Variants in DISC1 observed in about 807,000 individuals in gnomAD.
DISC1 encodes the protein DISC1 scaffold protein.
A neutral mutation model predicts 84.5 loss-of-function variants in DISC1; 57 were observed. The observed-to-expected ratio is 0.67, with a 90% CI of 0.55 to 0.84. The LOEUF (loss-of-function observed/expected upper bound fraction) is 0.84, where lower values mean the gene tolerates loss of function less well. DISC1 is among the 40% of genes least tolerant of loss of function. DISC1 has a pLI of 0.00. For synonymous variants in DISC1, 411 were observed against 415.2 expected, an observed-to-expected ratio of 0.99 and a Z score of 0.12; for missense variants, 1,000 against 1,057.8, an observed-to-expected ratio of 0.95 and a Z score of 0.76.
chr1:231,878,722 C>T (rs1460483323), intron 9 of DISC1, among the ~76,000 whole-genome samples: 3 of 152,124 alleles, frequency 2.0e-5, no homozygotes, highest in East Asian at 3.9e-4. Context: ...CATCAAGCAA[C>T]CAGTACCAAA....
chr1:231,806,661 G>C (rs927045968), intron 8 of DISC1, among the ~76,000 whole-genome samples: 1 of 148,560 alleles, frequency 6.7e-6, no homozygotes, highest in Non-Finnish European at 1.5e-5. Context: ...AGGGTGAAAG[G>C]CCTCTTCTCC....
intron 9 of DISC1, among the ~76,000 whole-genome samples, chr1:231,909,081 G>T (rs1465759448): frequency 6.6e-6 from 1 of 152,134 alleles, no homozygotes; most frequent in Non-Finnish European, 1.5e-5. Context: ...CTGAGATGAT[G>T]GGGTTTTCTA....
chr1:231,917,294 C>A (rs144605504), intron 9 of DISC1, among the ~76,000 whole-genome samples: 1 of 152,158 alleles, frequency 6.6e-6, no homozygotes, highest in Admixed American at 6.5e-5. Context: ...TCTCTTCTAT[C>A]GAGATGCAAT....
rs377646167 is a variant in DISC1 at position 231,911,942 on chromosome 1, C to G, written c.1982-46886C>G. Among the ~76,000 whole-genome samples, 85 of 152,112 alleles carry G rather than the reference C, an allele frequency of 5.6e-4. No homozygotes were observed. The South Asian group carries it at 0.017, about 31-fold the overall frequency. ...TTCATTGATCTTCAATCACTGATAC[C>G]CTTTCTTCCACTTGATCGAATCAGC... On this transcript the variant is annotated intron_variant, in intron 9 of 12. Coordinates refer to ENST00000439617, the MANE Select transcript of DISC1 (RefSeq NM_018662.3).
At chr1:231,901,826 C>T (rs1392677228) in intron 9 of DISC1, among the ~76,000 whole-genome samples, 2 of 152,128 alleles carry the variant, frequency 1.3e-5, no homozygotes, top group African/African-American at 4.8e-5. Context: ...TAGAATCTCT[C>T]TCTGTCAGAA....
intron 12 of DISC1, among the ~76,000 whole-genome samples, chr1:232,035,399 C>T (rs1210985676): frequency 6.6e-6 from 1 of 152,140 alleles, no homozygotes; most frequent in Non-Finnish European, 1.5e-5. Context: ...GAGCCGAGAT[C>T]GCACCACTGC....
intron 9 of DISC1, among the ~76,000 whole-genome samples, chr1:231,869,682 A>T (rs2085316444): frequency 6.6e-6 from 1 of 151,894 alleles, no homozygotes; most frequent in Non-Finnish European, 1.5e-5. Context: ...CCCGAGGGAG[A>T]GTATTAATCT....
chr1:231,664,038 CT>C (rs2061787384), intron 1 of DISC1, among the ~76,000 whole-genome samples: 9 of 138,008 alleles, frequency 6.5e-5, no homozygotes, highest in Admixed American at 5.8e-4. Flanking sequence ...ATCCATCTAT[CT>C]ATCCATCCAT....
chr1:231,719,186 A>G (rs201900841), intron 3 of DISC1, among the ~76,000 whole-genome samples: 6 of 152,140 alleles, frequency 3.9e-5, no homozygotes, highest in Non-Finnish European at 5.9e-5. Flanking sequence ...TATATTCTCT[A>G]TCCTCATACA....
intron 11 of DISC1, among the ~76,000 whole-genome samples, chr1:232,020,383 C>A (rs777826840): frequency 6.6e-5 from 10 of 152,108 alleles, no homozygotes; most frequent in Non-Finnish European, 1.5e-4. Flanking sequence ...ATTCTTCAAG[C>A]CTCTTTTCTT....
At position 231,693,917 on chromosome 1, in the gene DISC1, G is replaced by T; in HGVS notation, c.159G>T (p.Gly53=). The T allele has an allele frequency of 6.2e-7, 1 of 1,614,210 alleles. No homozygotes were observed. Among genetic ancestry groups the T allele is most frequent in the Non-Finnish European group, 8.5e-7 (1 of 1,180,020 alleles). The stretch of plus-strand genomic sequence containing the variant: ...ACATGAGAAGCTCGACAGGGCCTGG[G>T]ATCGGGTTCCTTTCCCCAGCAGTGG... The part of the protein sequence containing the change: ...PGYMRSSTGP[G]IGFLSPAVGT... Residue 53 remains glycine (G), a synonymous_variant, in exon 2 of 13, where the codon GGG becomes GGT. Coordinates refer to ENST00000439617, the MANE Select transcript of DISC1 (RefSeq NM_018662.3).
At chr1:231,884,834 G>A (rs2086570433) in intron 9 of DISC1, among the ~76,000 whole-genome samples, 1 of 152,004 alleles carries the variant, frequency 6.6e-6, no homozygotes, top group South Asian at 2.1e-4. Flanking sequence ...TATAATCTGA[G>A]TTCTGTCTTT....
chr1:231,759,545 A>AAAAAAAAAAAAAAC (rs2075450263), intron 4 of DISC1, among the ~76,000 whole-genome samples: 1 of 144,400 alleles, frequency 6.9e-6, no homozygotes. Flanking sequence ...AAAAAAAAAA[A>AAAAAAAAAAAAAAC]AAAAAACAAA....
intron 11 of DISC1, among the ~76,000 whole-genome samples, chr1:232,010,111 T>G (rs1460420158): frequency 6.6e-6 from 1 of 152,208 alleles, no homozygotes; most frequent in African/African-American, 2.4e-5. Context: ...TTCCATGGTC[T>G]TATAAGAAAG....
chr1:231,923,593 C>T (rs1189256742), intron 9 of DISC1, among the ~76,000 whole-genome samples: 1 of 152,216 alleles, frequency 6.6e-6, no homozygotes, highest in Non-Finnish European at 1.5e-5. Context: ...GTATGGGCTT[C>T]CACGCTAAAG....
intron 6 of DISC1, among the ~76,000 whole-genome samples, chr1:231,780,237 TAA>T (rs11451092): frequency 3.2e-4 from 33 of 103,946 alleles, no homozygotes; most frequent in African/African-American, 9.9e-4. Context: ...TAAAGTATAA[TAA>T]AAAAAAAAAA....
chr1:231,676,979 A>T (rs2125512958), intron 1 of DISC1, among the ~76,000 whole-genome samples: 1 of 152,340 alleles, frequency 6.6e-6, no homozygotes, highest in Non-Finnish European at 1.5e-5. Context: ...AGTGTGTGAA[A>T]TGTCACTTTT....
chr1:231,976,293 G>T (rs1233405450), intron 10 of DISC1, among the ~76,000 whole-genome samples: 4 of 152,228 alleles, frequency 2.6e-5, no homozygotes, highest in African/African-American at 9.6e-5. Flanking sequence ...ATAGCCTCTG[G>T]GTGTCAGCCG....
At chr1:231,785,747 G>A (rs2077801377) in intron 6 of DISC1, among the ~76,000 whole-genome samples, 1 of 152,208 alleles carries the variant, frequency 6.6e-6, no homozygotes, top group Admixed American at 6.5e-5. Context: ...GATAGGGAAT[G>A]TAGGGAGAGG....
Sources: allele counts gnomAD v4.1 joint callset (sites outside exome capture counted in the v4.1 genomes callset), GRCh38; gene constraint gnomAD v4.1.1; transcripts MANE v1.5; gene names NCBI Gene and HGNC (gene_info 2026-07-23, HGNC 2026-07-21).